FSTL5: variants seen among roughly 807,000 people sequenced by gnomAD.
FSTL5 encodes the protein follistatin like 5, also known as follistatin-related protein 5.
Under a neutral mutation model 89.1 loss-of-function variants are expected in FSTL5, and 62 were observed. That is an observed-to-expected ratio of 0.70 (90% CI 0.57 to 0.86). The LOEUF (loss-of-function observed/expected upper bound fraction) is 0.86. FSTL5 is among the 40% of genes least tolerant of loss of function. FSTL5 has a pLI of 0.00. For missense variants in FSTL5, 1,057 were observed against 1,001.6 expected (o/e 1.06, Z -0.75); for synonymous variants, 383 against 346.2 (o/e 1.11, Z -1.18).
At chr4:162,034,238 A>G (rs1737648068) in intron 2 of FSTL5, among the ~76,000 whole-genome samples, 1 of 152,164 alleles carries the variant, frequency 6.6e-6, no homozygotes, top group Non-Finnish European at 1.5e-5. Context: ...CATGCCTCTC[A>G]AATGCCTTAG....
intron 6 of FSTL5, among the ~76,000 whole-genome samples, chr4:161,752,465 T>C (rs1740430536): frequency 6.6e-6 from 1 of 152,194 alleles, no homozygotes; most frequent in Non-Finnish European, 1.5e-5. Flanking sequence ...TATTTTTCAG[T>C]TTTCTTACAT....
intron 6 of FSTL5, among the ~76,000 whole-genome samples, chr4:161,691,478 G>A (rs1411015481): frequency 6.6e-6 from 1 of 151,978 alleles, no homozygotes; most frequent in Admixed American, 6.5e-5. Flanking sequence ...TTCCCAATTT[G>A]TTTTTCTTTT....
chr4:161,571,594 G>A (rs532737885), intron 8 of FSTL5, among the ~76,000 whole-genome samples: 6 of 152,104 alleles, frequency 3.9e-5, no homozygotes, highest in African/African-American at 9.7e-5. Context: ...TGAATACTGC[G>A]CAAGATTGAG....
intron 4 of FSTL5, among the ~76,000 whole-genome samples, chr4:161,851,675 T>G (rs1387597172): frequency 1.3e-5 from 2 of 152,158 alleles, no homozygotes; most frequent in East Asian, 3.8e-4. Flanking sequence ...AATATTTTGT[T>G]GTTAACAGGA....
chr4:162,109,765 G>A (rs1029744480), intron 2 of FSTL5, among the ~76,000 whole-genome samples: 2 of 152,154 alleles, frequency 1.3e-5, no homozygotes, highest in African/African-American at 4.8e-5. Context: ...TAATTAAACA[G>A]TGTCTCTTAT....
chr4:161,536,595 C>T (rs1267623004), intron 10 of FSTL5, among the ~76,000 whole-genome samples: 1 of 152,092 alleles, frequency 6.6e-6, no homozygotes, highest in Non-Finnish European at 1.5e-5. Context: ...ATTTTAATTA[C>T]ATGCATGATT....
At chr4:161,387,378 T>C (rs1560870058) in intron 15 of FSTL5, 3 of 152,038 alleles carry the variant, frequency 2.0e-5, no homozygotes, top group South Asian at 2.1e-4. Flanking sequence ...AAGAGAAATA[T>C]TTTTCCATTC....
chr4:161,650,540 A>G (rs565724287), intron 7 of FSTL5, among the ~76,000 whole-genome samples: 1 of 152,286 alleles, frequency 6.6e-6, no homozygotes, highest in Non-Finnish European at 1.5e-5. Context: ...CTTTCTTCAA[A>G]GAAATAATAT....
intron 6 of FSTL5, among the ~76,000 whole-genome samples, chr4:161,696,145 T>C (rs1453094497): frequency 2.0e-5 from 3 of 152,180 alleles, no homozygotes; most frequent in Non-Finnish European, 4.4e-5. Flanking sequence ...ATAAGGTGAA[T>C]GATGAGGATC....
intron 4 of FSTL5, among the ~76,000 whole-genome samples, chr4:161,825,178 A>T (rs1481159327): frequency 6.6e-6 from 1 of 152,098 alleles, no homozygotes; most frequent in African/African-American, 2.4e-5. Context: ...AATTCTGTTT[A>T]TGTGGCGTAT....
chr4:161,679,193 G>A (rs1002728217), intron 6 of FSTL5, among the ~76,000 whole-genome samples: 2 of 151,366 alleles, frequency 1.3e-5, no homozygotes, highest in Admixed American at 1.3e-4. Context: ...TAAAGAAGAA[G>A]AAATAAAATA....
chr4:161,929,660 C>CGGGTGTGTGT (rs1734227058), intron 3 of FSTL5, among the ~76,000 whole-genome samples: 1 of 126,846 alleles, frequency 7.9e-6, no homozygotes, highest in Non-Finnish European at 1.7e-5. Flanking sequence ...TAGGTAGGCA[C>CGGGTGTGTGT]GTGTGTGTGT....
At chr4:161,659,734 C>G (rs929053025) in intron 6 of FSTL5, among the ~76,000 whole-genome samples, 6 of 152,074 alleles carry the variant, frequency 3.9e-5, no homozygotes, top group Non-Finnish European at 7.4e-5. Context: ...TTAGTGACTA[C>G]AGTTGCTACT....
At chr4:161,865,083 C>G (rs1215557971) in intron 4 of FSTL5, among the ~76,000 whole-genome samples, 2 of 151,804 alleles carry the variant, frequency 1.3e-5, no homozygotes, top group African/African-American at 4.8e-5. Context: ...TATAAATGGA[C>G]CAAAGGATAG....
At chr4:161,823,329 G>A (rs537192185) in intron 4 of FSTL5, among the ~76,000 whole-genome samples, 146 of 152,250 alleles carry the variant, frequency 9.6e-4, no homozygotes, top group African/African-American at 3.3e-3. Context: ...AGGGGCGTCT[G>A]CAGGCTGTCA....
At chr4:161,581,587 T>C (rs987034616) in intron 8 of FSTL5, among the ~76,000 whole-genome samples, 12 of 152,214 alleles carry the variant, frequency 7.9e-5, no homozygotes, top group African/African-American at 2.9e-4. Context: ...GTTTTCTAAA[T>C]AATAGCTCTG....
intron 1 of FSTL5, among the ~76,000 whole-genome samples, chr4:162,124,523 C>G (rs925951489): frequency 2.0e-5 from 3 of 151,998 alleles, no homozygotes; most frequent in Non-Finnish European, 4.4e-5. Context: ...GGACTAGAAC[C>G]GGAAAGCATA....
chr4:161,501,281 T>C (rs1730287263), intron 11 of FSTL5, among the ~76,000 whole-genome samples: 1 of 152,100 alleles, frequency 6.6e-6, no homozygotes, highest in Admixed American at 6.6e-5. Context: ...CAGCCTGGGC[T>C]TTCCATCTAT....
chr4:161,841,682 G>A (rs1199544655), intron 4 of FSTL5, among the ~76,000 whole-genome samples: 1 of 152,172 alleles, frequency 6.6e-6, no homozygotes, highest in Admixed American at 6.6e-5. Flanking sequence ...GTAGTATTAA[G>A]TGTCTAATTA....
Sources: allele counts gnomAD v4.1 joint callset (sites outside exome capture counted in the v4.1 genomes callset), GRCh38; gene constraint gnomAD v4.1.1; transcripts MANE v1.5; gene names NCBI Gene and HGNC (gene_info 2026-07-23, HGNC 2026-07-21).